Variants in ASTN2 observed in about 807,000 individuals in gnomAD.
The protein encoded by ASTN2 is astrotactin-2.
Under a neutral mutation model 139.8 loss-of-function variants are expected in ASTN2, and 54 were observed. The ratio of observed to expected loss-of-function variants is 0.39; its 90% confidence interval spans 0.31 to 0.48. The LOEUF (loss-of-function observed/expected upper bound fraction) is 0.48, where lower values mean the gene tolerates loss of function less well. Ranked by LOEUF, ASTN2 falls within the 20% of genes least tolerant of loss-of-function variation. The pLI, the probability that ASTN2 is intolerant of heterozygous loss-of-function variation, is 0.95. For missense variants in ASTN2, 1,565 were observed against 1,725.1 expected, an observed-to-expected ratio of 0.91 and a Z score of 1.64; for synonymous variants, 756 against 719.5, an observed-to-expected ratio of 1.05 and a Z score of -0.81.
chr9:117,227,073 G>C (rs1416043247), intron 2 of ASTN2, among the ~76,000 whole-genome samples: 2 of 152,100 alleles, frequency 1.3e-5, no homozygotes, highest in African/African-American at 4.8e-5. Context: ...AGCATAGTGG[G>C]TCTGATGCTG....
intron 3 of ASTN2, among the ~76,000 whole-genome samples, chr9:117,174,694 A>C (rs1262683609): frequency 6.6e-6 from 1 of 152,022 alleles, no homozygotes; most frequent in Non-Finnish European, 1.5e-5. Flanking sequence ...AAAAGAGAAG[A>C]CATCACCTCA....
intron 12 of ASTN2, among the ~76,000 whole-genome samples, chr9:116,806,480 T>C (rs1348672559): frequency 6.6e-6 from 1 of 152,080 alleles, no homozygotes; most frequent in Non-Finnish European, 1.5e-5. Context: ...GGGATGGGGA[T>C]GGTTGGGGCA....
chr9:117,392,528 T>C (rs1427899913), intron 1 of ASTN2, among the ~76,000 whole-genome samples: 1 of 152,232 alleles, frequency 6.6e-6, no homozygotes, highest in African/African-American at 2.4e-5. Flanking sequence ...TACCGATTAC[T>C]ATTTTAAGGG....
At chr9:117,231,850 C>T (rs918579646) in intron 2 of ASTN2, among the ~76,000 whole-genome samples, 3 of 152,114 alleles carry the variant, frequency 2.0e-5, no homozygotes, top group East Asian at 1.9e-4. Context: ...ATAAGAATCT[C>T]GTCTATTTTG....
rs74502233 is a variant in ASTN2 at position 117,137,964 on chromosome 9, G to A, written c.1168+3362C>T. 9.3e-4 allele frequency among the ~76,000 whole-genome samples: 141 copies of A among 152,214 alleles called. 2 individuals carry two copies. The East Asian group carries it at 0.022, about 24-fold the overall frequency. On this transcript the variant is annotated intron_variant, in intron 4 of 22. Coordinates refer to ENST00000313400, the MANE Select transcript of ASTN2 (RefSeq NM_001365068.1). The stretch of plus-strand genomic sequence containing the variant: ...AAGGGGGAAATAGAATTCTCTGGGC[G>A]TTGGTACCAGGAGGATTTGGTTTAT...
chr9:116,893,456 C>A (rs1397723493), intron 10 of ASTN2, among the ~76,000 whole-genome samples: 1 of 152,120 alleles, frequency 6.6e-6, no homozygotes, highest in Non-Finnish European at 1.5e-5. Context: ...CAGGAGAGAT[C>A]TAGGAGTAAT....
chr9:117,208,695 G>A (rs1415740101), intron 3 of ASTN2, among the ~76,000 whole-genome samples: 3 of 152,092 alleles, frequency 2.0e-5, no homozygotes, highest in Non-Finnish European at 4.4e-5. Flanking sequence ...CAGTCAAGTT[G>A]TTGAAAGTCA....
chr9:116,836,485 G>A (rs1258754213), intron 11 of ASTN2, among the ~76,000 whole-genome samples: 3 of 152,148 alleles, frequency 2.0e-5, no homozygotes, highest in Non-Finnish European at 4.4e-5. Context: ...TTTCTGTGGT[G>A]TTTGGCTGGA....
Position 116,805,624 on chromosome 9 carries a change from C to T in ASTN2, c.2396+8G>A, listed in dbSNP as rs1831009725. The stretch of plus-strand genomic sequence containing the variant: ...CAGACAAGCAATGTGCAAGTATCTA[C>T]AGCATACCTAAAGGTCATCTGGAAG... On this transcript the variant is annotated splice_region_variant and intron_variant, in intron 13 of 22. Transcript: ENST00000313400. The T allele has an allele frequency of 6.2e-7, 1 of 1,612,918 alleles. No homozygotes were observed. Among genetic ancestry groups the T allele is most frequent in the South Asian group, 1.1e-5 (1 of 90,916 alleles).
chr9:117,088,298 C>G (rs544063418), intron 5 of ASTN2, among the ~76,000 whole-genome samples: 1 of 152,260 alleles, frequency 6.6e-6, no homozygotes, highest in East Asian at 1.9e-4. Context: ...CCCCAGTGTA[C>G]CACGTACCAT....
At chr9:117,134,958 A>G (rs535780919) in intron 4 of ASTN2, among the ~76,000 whole-genome samples, 2 of 152,340 alleles carry the variant, frequency 1.3e-5, no homozygotes, top group South Asian at 4.1e-4. Flanking sequence ...CCCTGGGGTT[A>G]GTTAAAAGCT....
chr9:116,547,677 T>A (rs1301875930), intron 19 of ASTN2: 2 of 152,214 alleles, frequency 1.3e-5, no homozygotes, highest in Non-Finnish European at 2.9e-5. Context: ...CTTATCGCAG[T>A]GCCTGGTAGG....
intron 5 of ASTN2, among the ~76,000 whole-genome samples, chr9:117,092,378 T>C (rs2132746705): frequency 6.6e-6 from 1 of 152,206 alleles, no homozygotes; most frequent in East Asian, 1.9e-4. Context: ...ACTTAGAGAT[T>C]GAAAAAGTGA....
intron 10 of ASTN2, among the ~76,000 whole-genome samples, chr9:116,944,666 A>G (rs1341273179): frequency 7.5e-6 from 1 of 133,202 alleles, no homozygotes; most frequent in Non-Finnish European, 1.6e-5. Flanking sequence ...TGGGCGACAG[A>G]GTAAGACTCT....
At chr9:116,760,181 C>T (rs187578192) in intron 13 of ASTN2, among the ~76,000 whole-genome samples, 7 of 152,316 alleles carry the variant, frequency 4.6e-5, no homozygotes, top group African/African-American at 1.7e-4. Flanking sequence ...CAGGTGACTG[C>T]CAAAACTTCC....
chr9:117,393,258 G>A (rs922068748), intron 1 of ASTN2, among the ~76,000 whole-genome samples: 4 of 152,200 alleles, frequency 2.6e-5, no homozygotes, highest in African/African-American at 9.7e-5. Context: ...GGTTTCTCTG[G>A]TTAGGGTAGG....
rs200346570 is a variant in ASTN2 at position 116,481,151 on chromosome 9, GC to G, written c.3497+6207del. ...GCCTGTAATCTCAGCACTTTGGGAG[GC>G]TGAGGCAGGTAAATGGCTTGAGCTC... On this transcript the variant is annotated intron_variant, in intron 20 of 22. Transcript: ENST00000313400. 0.016 allele frequency among the ~76,000 whole-genome samples: 2,467 copies of G among 152,276 alleles called. 291 individuals are homozygous for G. In the South Asian group the frequency reaches 0.26, roughly 16 times the overall value.
intron 13 of ASTN2, among the ~76,000 whole-genome samples, chr9:116,796,579 T>A (rs1309012961): frequency 6.6e-6 from 1 of 152,052 alleles, no homozygotes; most frequent in Admixed American, 6.6e-5. Flanking sequence ...CCAAGGGTGA[T>A]ACAGCAGGAA....
chr9:116,679,731 G>A (rs1372887181), intron 16 of ASTN2, among the ~76,000 whole-genome samples: 5 of 152,030 alleles, frequency 3.3e-5, no homozygotes, highest in African/African-American at 7.2e-5. Flanking sequence ...ACTCAAAACC[G>A]CTCAACTACA....
Sources: gnomAD v4.1 joint callset for allele counts (sites outside exome capture counted in the v4.1 genomes callset) on GRCh38, gnomAD v4.1.1 for gene constraint, MANE v1.5 for transcripts, NCBI Gene and HGNC (gene_info 2026-07-23, HGNC 2026-07-21) for gene names.